The following UBE3C variants were observed in gnomAD, a reference collection of about 807,000 sequenced individuals.
UBE3C encodes the protein ubiquitin protein ligase E3C.
UBE3C carries 42 observed loss-of-function variants against 129.4 expected under a neutral mutation model. The ratio of observed to expected loss-of-function variants is 0.32; its 90% confidence interval spans 0.25 to 0.42. The LOEUF (loss-of-function observed/expected upper bound fraction) is 0.42, where lower values mean the gene tolerates loss of function less well. Ranked by LOEUF, UBE3C falls within the 10% of genes least tolerant of loss-of-function variation. The probability of loss-of-function intolerance (pLI) is 1.00; values close to 1 mark genes in which losing one functional copy is unlikely to be tolerated. For synonymous variants in UBE3C, 510 were observed against 492.4 expected, an observed-to-expected ratio of 1.04 and a Z score of -0.47; for missense variants, 1,049 against 1,319.1, an observed-to-expected ratio of 0.80 and a Z score of 3.17.
At chr7:157,215,955 A>G (rs1211689999) in intron 13 of UBE3C, among the ~76,000 whole-genome samples, 1 of 152,208 alleles carries the variant, frequency 6.6e-6, no homozygotes, top group East Asian at 1.9e-4. Flanking sequence ...TCTATTTGTG[A>G]GGAACTCACT....
At chr7:157,181,410 C>A in intron 6 of UBE3C, 108 bp from the exon 7 acceptor site, 1 of 969,856 alleles carries the variant, frequency 1.0e-6, no homozygotes, top group Non-Finnish European at 1.5e-6. Context: ...AAAGAACTAA[C>A]TTAAGTTTGG....
At position 157,207,574 on chromosome 7, in the gene UBE3C, C is replaced by G; in HGVS notation, c.1576+19C>G. 1 of 1,604,642 alleles carries G rather than the reference C, an allele frequency of 6.2e-7. No homozygotes were observed. The highest frequency in any genetic ancestry group is 8.5e-7 in the Non-Finnish European group (1 of 1,177,532). ...ATAGAAGGTAAGGATTTTGAGAAAC[C>G]AGTTTGCTGCTGGCCACTTGGCCCA... On this transcript the variant is annotated intron_variant, in intron 12 of 22. Coordinates refer to ENST00000348165, the MANE Select transcript of UBE3C (RefSeq NM_014671.3).
At chr7:157,236,430 G>A (rs1034211651) in intron 18 of UBE3C, among the ~76,000 whole-genome samples, 3 of 152,024 alleles carry the variant, frequency 2.0e-5, no homozygotes, top group Non-Finnish European at 4.4e-5. Context: ...TTATATATTT[G>A]AAAATTTCAA....
chr7:157,186,689 CT>C, intron 9 of UBE3C, 144 bp from the exon 10 acceptor site: 1 of 865,158 alleles, frequency 1.2e-6, no homozygotes, highest in Non-Finnish European at 1.7e-6. Flanking sequence ...GGATTTCACA[CT>C]AAGTGTACTG....
chr7:157,167,028 C>T lies in UBE3C; in HGVS notation c.121-2020C>T, dbSNP rs912758689. On this transcript the variant is annotated intron_variant, in intron 2 of 22. Transcript: ENST00000348165. ...CACTGCAACCTCCACCTCCTGGCTTCAAGTGATTCTCCTGCCTCAGCCTCC... is the reference window on the plus strand; with the variant it reads ...CACTGCAACCTCCACCTCCTGGCTTTAAGTGATTCTCCTGCCTCAGCCTCC... 2.6e-5 allele frequency among the ~76,000 whole-genome samples: 4 copies of T among 152,214 alleles called. No homozygotes were observed. In the East Asian group the frequency reaches 7.7e-4, roughly 29 times the overall value.
At chr7:157,256,786 G>A (rs1796763138) in intron 21 of UBE3C, 128 bp from the exon 22 acceptor site, 2 of 1,215,316 alleles carry the variant, frequency 1.6e-6, no homozygotes, top group South Asian at 1.5e-5. Flanking sequence ...CACATGCCAC[G>A]CCGTTTTAGA....
chr7:157,236,687 C>T (rs1222824528), intron 18 of UBE3C, among the ~76,000 whole-genome samples: 1 of 152,054 alleles, frequency 6.6e-6, no homozygotes, highest in Non-Finnish European at 1.5e-5. Flanking sequence ...CTTAAAGGGG[C>T]AGAGCTTCTC....
At chr7:157,174,035 G>A (rs1331256267) in intron 4 of UBE3C, among the ~76,000 whole-genome samples, 6 of 152,160 alleles carry the variant, frequency 3.9e-5, no homozygotes, top group Non-Finnish European at 8.8e-5. Context: ...GCAAAGACAA[G>A]GCTATGTGGC....
At position 157,163,804 on chromosome 7, in the gene UBE3C, G is replaced by T. The variant is rs751996115; in HGVS notation, c.67-6G>T. On this transcript the variant is annotated splice_region_variant and splice_polypyrimidine_tract_variant and intron_variant, in intron 1 of 22. Coordinates refer to ENST00000348165, the MANE Select transcript of UBE3C (RefSeq NM_014671.3). The stretch of plus-strand genomic sequence containing the variant: ...CTTACCTCCTTTTTTCTCTGTTTGG[G>T]TGTAGGAGGAAAAGGCTTCTCTTTT... The T allele has an allele frequency of 1.9e-6, 3 of 1,612,982 alleles. No individual in the cohort carries two copies.
chr7:157,193,716 CTT>C (rs1809038547), intron 10 of UBE3C, among the ~76,000 whole-genome samples: 1 of 143,600 alleles, frequency 7.0e-6, no homozygotes, highest in Non-Finnish European at 1.5e-5. Flanking sequence ...ACATTTGAAA[CTT>C]TTTGATTACA....
chr7:157,224,019 T>C (rs1378676184), intron 16 of UBE3C, among the ~76,000 whole-genome samples: 3 of 152,198 alleles, frequency 2.0e-5, no homozygotes, highest in East Asian at 1.9e-4. Flanking sequence ...CGATGTTTTT[T>C]TTTTTCTGAG....
At chr7:157,162,438 C>T (rs982858525) in intron 1 of UBE3C, among the ~76,000 whole-genome samples, 23 of 152,230 alleles carry the variant, frequency 1.5e-4, no homozygotes, top group South Asian at 2.1e-4. Context: ...CATGATCTGC[C>T]CGCCTCGGCC....
chr7:157,237,548 T>C (rs1450831975), intron 18 of UBE3C, among the ~76,000 whole-genome samples: 2 of 152,238 alleles, frequency 1.3e-5, no homozygotes, highest in Non-Finnish European at 2.9e-5. Flanking sequence ...CCTTCCTTTT[T>C]ATTTTTCTCA....
At chr7:157,178,546 C>G (rs1808585141) in intron 5 of UBE3C, 144 bp from the exon 6 acceptor site, 1 of 802,958 alleles carries the variant, frequency 1.2e-6, no homozygotes, top group Non-Finnish European at 1.9e-6. Context: ...GATGATTTCC[C>G]TGTCTATCTG....
At position 157,197,764 on chromosome 7, in the gene UBE3C, T is replaced by C. The variant is rs1240463337; in HGVS notation, c.1332-3957T>C. 2.0e-5 allele frequency: 33 copies of C among 1,612,604 alleles called. 1 individual carries two copies. In the Admixed American group the frequency reaches 5.3e-4, roughly 26 times the overall value. On this transcript the variant is annotated intron_variant, in intron 10 of 22. Transcript: ENST00000348165. The stretch of plus-strand genomic sequence containing the variant: ...ATAAAGTTCCGGACATCCAGGATCC[T>C]GTGTGTACTATTGAATCTTTGTATC...
chr7:157,182,146 C>A lies in UBE3C; in HGVS notation c.809C>A (p.Ala270Glu), dbSNP rs760754064. The change falls in exon 8 of 23, where the codon GCA (alanine) becomes GAA (glutamate). Residue 270 changes from alanine (A) to glutamate (E), a missense_variant. This residue lies in a region of UBE3C where 489 missense variants were observed against 513.8 expected (regional missense o/e 0.95). Transcript: ENST00000348165. ...ACAGCCTTCACAGAGGAGTTTCTGG[C>A]AGCACCTTTTACAGATCAGATTTTT... ...VFTAFTEEFL[A>E]APFTDQIFHF... is the part of the protein sequence containing the mutation. The A allele has an allele frequency of 4.3e-5, 68 of 1,599,016 alleles. No homozygotes were observed. Among genetic ancestry groups the A allele is most frequent in the Non-Finnish European group, 5.6e-5 (66 of 1,175,632 alleles).
chr7:157,175,986 A>G (rs565818637), intron 5 of UBE3C, among the ~76,000 whole-genome samples: 5 of 152,284 alleles, frequency 3.3e-5, no homozygotes, highest in African/African-American at 7.2e-5. Flanking sequence ...TAAAGGAATC[A>G]TGCTTCACTC....
intron 15 of UBE3C, chr7:157,221,440 T>TA (rs543916388): frequency 0.11 from 15,629 of 148,236 alleles, 916 homozygotes; most frequent in African/African-American, 0.15. Context: ...AGTTGTCATT[T>TA]AAAAAAAAAA....
chr7:157,175,714 A>G (rs913507198), intron 5 of UBE3C, among the ~76,000 whole-genome samples: 1 of 152,210 alleles, frequency 6.6e-6, no homozygotes, highest in East Asian at 1.9e-4. Flanking sequence ...CAAAATACTT[A>G]GCTGGACCAA....
Sources: gnomAD v4.1 joint callset for allele counts (sites outside exome capture counted in the v4.1 genomes callset) on GRCh38, gnomAD v4.1.1 for gene constraint, gnomAD v4.1.1 regional missense constraint, MANE v1.5 for transcripts, NCBI Gene and HGNC (gene_info 2026-07-23, HGNC 2026-07-21) for gene names.